Variants in ZFHX3 observed in about 807,000 individuals in gnomAD.
ZFHX3 encodes zinc finger homeobox 3.
Under a neutral mutation model 279.1 loss-of-function variants are expected in ZFHX3, and 42 were observed. The observed-to-expected ratio is 0.15, with a 90% confidence interval of 0.12 to 0.19. The LOEUF (loss-of-function observed/expected upper bound fraction) is 0.19, where lower values mean the gene tolerates loss of function less well. Ranked by LOEUF, ZFHX3 falls within the 10% of genes least tolerant of loss-of-function variation. The pLI is 1.00. For synonymous variants in ZFHX3, 2,293 were observed against 1,957.8 expected, an observed-to-expected ratio of 1.17 and a Z score of -4.52; for missense variants, 4,981 against 4,754.0, an observed-to-expected ratio of 1.05 and a Z score of -1.40.
intron 2 of ZFHX3, among the ~76,000 whole-genome samples, chr16:73,619,303 A>C (rs1691115546): frequency 6.6e-6 from 1 of 151,806 alleles, no homozygotes; most frequent in African/African-American, 2.4e-5. Flanking sequence ...CCTGGCTAAC[A>C]CGGTGAAATC....
chr16:73,160,049 C>T (rs1368481456), intron 5 of ZFHX3, among the ~76,000 whole-genome samples: 2 of 152,200 alleles, frequency 1.3e-5, no homozygotes, highest in Admixed American at 1.3e-4. Context: ...AGGCATGAGC[C>T]TCCACGCCCG....
intron 6 of ZFHX3, among the ~76,000 whole-genome samples, chr16:73,138,260 C>G (rs1323469333): frequency 6.6e-6 from 1 of 152,140 alleles, no homozygotes; most frequent in East Asian, 1.9e-4. Flanking sequence ...TGTAATCACC[C>G]AGCTCCACTC....
At chr16:73,461,579 T>C (rs1271804373) in intron 2 of ZFHX3, among the ~76,000 whole-genome samples, 3 of 152,228 alleles carry the variant, frequency 2.0e-5, no homozygotes, top group Admixed American at 6.5e-5. Flanking sequence ...TAAACCAAGA[T>C]TGAGGTTCAC....
intron 1 of ZFHX3, among the ~76,000 whole-genome samples, chr16:73,865,342 G>T (rs1002490164): frequency 1.3e-5 from 2 of 152,114 alleles, no homozygotes; most frequent in East Asian, 1.9e-4. Flanking sequence ...AGATGTTAAG[G>T]CCCCCAAGAC....
chr16:73,039,693 CT>C (rs528500417), intron 1 of ZFHX3, among the ~76,000 whole-genome samples: 1 of 152,116 alleles, frequency 6.6e-6, no homozygotes, highest in East Asian at 1.9e-4. Context: ...CCAAGTATCT[CT>C]TTTTTTATTT....
chr16:73,208,246 C>G (rs2011879145), intron 5 of ZFHX3, among the ~76,000 whole-genome samples: 1 of 152,214 alleles, frequency 6.6e-6, no homozygotes, highest in African/African-American at 2.4e-5. Flanking sequence ...AATTATGTTA[C>G]ATCCATATGA....
chr16:73,373,363 C>T (rs1376677590), intron 3 of ZFHX3, among the ~76,000 whole-genome samples: 1 of 152,116 alleles, frequency 6.6e-6, no homozygotes, highest in East Asian at 1.9e-4. Flanking sequence ...CCCCATTGAC[C>T]TAGGAGCCAC....
intron 4 of ZFHX3, among the ~76,000 whole-genome samples, chr16:72,840,231 A>G (rs1037639260): frequency 2.0e-5 from 3 of 152,232 alleles, no homozygotes; most frequent in Admixed American, 6.5e-5. Context: ...TTAAGCATCT[A>G]TATACAAATG....
intron 7 of ZFHX3, among the ~76,000 whole-genome samples, chr16:72,803,773 T>C (rs1234804204): frequency 2.6e-5 from 4 of 152,236 alleles, no homozygotes; most frequent in Admixed American, 2.6e-4. Flanking sequence ...TATTCACTAA[T>C]GAACCTGAGA....
At chr16:73,195,853 A>G (rs1261843068) in intron 5 of ZFHX3, among the ~76,000 whole-genome samples, 1 of 152,166 alleles carries the variant, frequency 6.6e-6, no homozygotes, top group Non-Finnish European at 1.5e-5. Context: ...GGTGGGAGAG[A>G]AGCGGTGGTT....
intron 7 of ZFHX3, among the ~76,000 whole-genome samples, chr16:72,805,161 T>C (rs2036226061): frequency 6.6e-6 from 1 of 151,860 alleles, no homozygotes; most frequent in Non-Finnish European, 1.5e-5. Flanking sequence ...TTTGTACTTT[T>C]AATAGAGATG....
intron 1 of ZFHX3, among the ~76,000 whole-genome samples, chr16:73,699,381 A>T (rs1371006217): frequency 6.6e-6 from 1 of 152,240 alleles, no homozygotes; most frequent in Admixed American, 6.5e-5. Flanking sequence ...CCCAAAAATA[A>T]AAGACCAGTG....
intron 1 of ZFHX3, among the ~76,000 whole-genome samples, chr16:73,824,205 C>A (rs1380183788): frequency 6.6e-6 from 1 of 152,122 alleles, no homozygotes; most frequent in African/African-American, 2.4e-5. Flanking sequence ...AGTTATGTTG[C>A]GTGTCTCAAA....
chr16:73,645,357 T>C (rs573303876), intron 2 of ZFHX3, among the ~76,000 whole-genome samples: 62 of 152,234 alleles, frequency 4.1e-4, no homozygotes, highest in Admixed American at 1.3e-3. Flanking sequence ...CCCGGGTTCA[T>C]GCCATTCTCC....
intron 2 of ZFHX3, among the ~76,000 whole-genome samples, chr16:73,662,075 A>C (rs1053122850): frequency 6.7e-6 from 1 of 149,152 alleles, no homozygotes. Flanking sequence ...GCTGTACTTG[A>C]TAAAATGCTG....
intron 3 of ZFHX3, among the ~76,000 whole-genome samples, chr16:73,322,710 G>T (rs1327903841): frequency 2.6e-5 from 4 of 152,186 alleles, no homozygotes; most frequent in East Asian, 3.9e-4. Flanking sequence ...CCATTATAAG[G>T]TCTGTCTCCA....
intron 5 of ZFHX3, among the ~76,000 whole-genome samples, chr16:73,146,708 G>T (rs1485223221): frequency 6.6e-6 from 1 of 151,804 alleles, no homozygotes; most frequent in Non-Finnish European, 1.5e-5. Flanking sequence ...TCTGTTGCCA[G>T]GCTGGAGTGC....
At chr16:73,613,487 A>G (rs2052268258) in intron 2 of ZFHX3, among the ~76,000 whole-genome samples, 2 of 151,412 alleles carry the variant, frequency 1.3e-5, no homozygotes, top group South Asian at 4.2e-4. Flanking sequence ...TCTGAGATTC[A>G]TACTGAACAG....
chr16:73,446,828 C>T (rs920489699), intron 3 of ZFHX3, among the ~76,000 whole-genome samples: 2 of 152,088 alleles, frequency 1.3e-5, no homozygotes, highest in East Asian at 3.9e-4. Flanking sequence ...TATAACAAAC[C>T]CCCATGACAC....
Sources: gnomAD v4.1 joint callset for allele counts (sites outside exome capture counted in the v4.1 genomes callset) on GRCh38, gnomAD v4.1.1 for gene constraint, MANE v1.5 for transcripts, NCBI Gene and HGNC (gene_info 2026-07-23, HGNC 2026-07-21) for gene names.